Variants in DSTYK observed in about 807,000 individuals in gnomAD.
The protein encoded by DSTYK is RIP-homologous kinase.
DSTYK carries 34 observed loss-of-function variants against 98.7 expected under a neutral mutation model. The observed-to-expected ratio is 0.34, with a 90% CI of 0.26 to 0.46. The LOEUF (loss-of-function observed/expected upper bound fraction) is 0.46, where lower values mean the gene tolerates loss of function less well. Among genes scored for constraint, DSTYK ranks in the 20% least tolerant of loss-of-function variants. DSTYK has a pLI of 1.00. For synonymous variants in DSTYK, 462 were observed against 457.3 expected, an observed-to-expected ratio of 1.01 and a Z score of -0.13; for missense variants, 962 against 1,181.7, an observed-to-expected ratio of 0.81 and a Z score of 2.73.
intron 2 of DSTYK, among the ~76,000 whole-genome samples, chr1:205,182,327 T>G (rs573615534): frequency 6.6e-6 from 1 of 151,398 alleles, no homozygotes; most frequent in East Asian, 2.0e-4. Context: ...GAGCCAGAAG[T>G]TGCAGTGAGC....
chr1:205,182,094 G>A (rs1202053117), intron 2 of DSTYK, among the ~76,000 whole-genome samples: 2 of 151,824 alleles, frequency 1.3e-5, no homozygotes, highest in African/African-American at 4.8e-5. Context: ...CAAAACAGAC[G>A]AACAAACAAA....
intron 1 of DSTYK, among the ~76,000 whole-genome samples, chr1:205,197,529 T>C (rs1658902245): frequency 6.6e-6 from 1 of 151,692 alleles, no homozygotes; most frequent in Admixed American, 6.6e-5. Flanking sequence ...TCCAAATATA[T>C]ACCTAGCAAA....
chr1:205,148,378 GAGTC>G (rs1448421888), intron 11 of DSTYK, 39 bp from the exon 12 acceptor site: 1 of 1,608,158 alleles, frequency 6.2e-7, no homozygotes, highest in East Asian at 2.2e-5. Context: ...GAGCCACAGA[GAGTC>G]AGGCAGCAGC....
chr1:205,159,468 C>T, intron 9 of DSTYK, 79 bp downstream of exon 9: 1 of 1,452,364 alleles, frequency 6.9e-7, no homozygotes, highest in Non-Finnish European at 9.2e-7. Flanking sequence ...GCTAAAAGCT[C>T]TTAATAAACA....
rs1441375561 is a variant in DSTYK, at chr1:205,145,900, G to T, written c.*1658C>A. On this transcript the variant is annotated 3_prime_UTR_variant, in exon 13 of 13. Transcript: ENST00000367162. ...GCTTGAAGTCAAGTGCATCTGAGAT[G>T]CACCAATATTTAAATTGTTCCCCTT... 1 of 152,108 alleles carries T rather than the reference G, an allele frequency of 6.6e-6. No homozygotes were observed. The highest frequency in any genetic ancestry group is 1.5e-5 in the Non-Finnish European group (1 of 68,028). The allele number at this position is 152,108 out of a possible 1,614,324, so 9.4% of individuals were successfully genotyped here. A position where few individuals can be genotyped will look rare whatever the true frequency, so the allele number is the denominator to read the frequency against.
intron 1 of DSTYK, among the ~76,000 whole-genome samples, chr1:205,200,664 T>C (rs565867450): frequency 2.0e-5 from 3 of 152,350 alleles, no homozygotes; most frequent in East Asian, 3.9e-4. Context: ...CTCAGTTAGT[T>C]GGACAGAGTG....
chr1:205,145,429 C>A lies in DSTYK; in HGVS notation c.*2129G>T, dbSNP rs1347104962. On this transcript the variant is annotated 3_prime_UTR_variant, in exon 13 of 13. Coordinates refer to ENST00000367162, the MANE Select transcript of DSTYK (RefSeq NM_015375.3). ...TTATATGAAAGACCCATTATAGACT[C>A]CATTTATACTCCATTAATATTTAAA... 6.6e-6 allele frequency: 1 copy of A among 152,040 alleles called. No individual in the cohort carries two copies. The highest frequency in any genetic ancestry group is 6.6e-5 in the Admixed American group (1 of 15,254). 9.4% of individuals were successfully genotyped at this position (152,040 alleles called of 1,614,324 possible).
chr1:205,200,311 TATA>T (rs1658990661), intron 1 of DSTYK, among the ~76,000 whole-genome samples: 1 of 152,026 alleles, frequency 6.6e-6, no homozygotes, highest in Non-Finnish European at 1.5e-5. Context: ...GTGCTGGGAT[TATA>T]GGCATGAGCT....
chr1:205,201,126 A>G (rs1198901835), intron 1 of DSTYK, among the ~76,000 whole-genome samples: 1 of 152,048 alleles, frequency 6.6e-6, no homozygotes, highest in African/African-American at 2.4e-5. Flanking sequence ...GCTGCTCTCG[A>G]ACTCCTGACC....
At chr1:205,184,339 G>A (rs1188621173) in intron 2 of DSTYK, among the ~76,000 whole-genome samples, 4 of 152,012 alleles carry the variant, frequency 2.6e-5, no homozygotes, top group African/African-American at 7.3e-5. Context: ...TTGGGAGGGT[G>A]AGGGGGGCGG....
chr1:205,175,109 T>C (rs1658189988), intron 2 of DSTYK, among the ~76,000 whole-genome samples: 1 of 149,266 alleles, frequency 6.7e-6, no homozygotes, highest in South Asian at 2.1e-4. Context: ...GCCCTTTTTT[T>C]TTTTTTTTCT....
Position 205,163,219 on chromosome 1 carries a change from A to AT in DSTYK, c.1558-214dup, listed in dbSNP as rs373494891. 0.33 allele frequency among the ~76,000 whole-genome samples: 46,067 copies of AT among 140,564 alleles called. 8,503 individuals carry two copies. The highest frequency in any genetic ancestry group is 0.45 in the Non-Finnish European group (28,910 of 64,218). 92.2% of individuals were successfully genotyped at this position (140,564 alleles called of 152,430 possible). A position where few individuals can be genotyped will look rare whatever the true frequency, so the allele number is the denominator to read the frequency against. ...TTTATATTCATCAACTTATTTTTTT[A>AT]TTTTTTTTTTTATTTTTTAGACAGA... On this transcript the variant is annotated intron_variant, in intron 4 of 12. Coordinates refer to ENST00000367162, the MANE Select transcript of DSTYK (RefSeq NM_015375.3).
In DSTYK at chr1:205,163,918, G is replaced by T. The variant is rs1454675273; in HGVS notation, c.1362C>A (p.Thr454=). The change falls in exon 4 of 13, where the codon ACC becomes ACA. Residue 454 remains threonine (T), a synonymous_variant. Transcript: ENST00000367162. ...GTCGGATGCAGCATTTGATCTCTCT[G>T]GTGCCTACTGGTTCTCCATTCTCAG... ...IVPENGEPVG[T]REIKCCIRQI... The T allele has an allele frequency of 6.2e-7, 1 of 1,614,096 alleles. No individual in the cohort carries two copies. Among genetic ancestry groups the T allele is most frequent in the Non-Finnish European group, 8.5e-7 (1 of 1,180,026 alleles).
Position 205,148,206 on chromosome 1 carries a change from C to G in DSTYK, c.2601G>C (p.Arg867Ser). 2 of 1,614,062 alleles carry G rather than the reference C, an allele frequency of 1.2e-6. No homozygotes were observed. The highest frequency in any genetic ancestry group is 1.7e-6 in the Non-Finnish European group (2 of 1,179,984). ...SKDHLWNNVR[R>S]GARPERLPVF... is the part of the protein sequence containing the mutation. ...CAAGGTAGTACTTGTGGCTCTTACC[C>G]CTCCGCACATTGTTCCAGAGATGGT... is the stretch of plus-strand genomic sequence containing the variant. Residue 867 changes from arginine (R) to serine (S), a missense_variant and splice_region_variant, in exon 12 of 13, where the codon AGG becomes AGC. Arg to Ser is a moderately radical substitution (Grantham distance 110). Transcript: ENST00000367162.
At chr1:205,171,530 C>G (rs1658064977) in intron 2 of DSTYK, among the ~76,000 whole-genome samples, 1 of 150,800 alleles carries the variant, frequency 6.6e-6, no homozygotes, top group Admixed American at 6.6e-5. Flanking sequence ...TTTGCCTCGT[C>G]TGCACTTTCC....
chr1:205,186,914 G>T (rs1458503312), intron 2 of DSTYK, among the ~76,000 whole-genome samples: 2 of 152,162 alleles, frequency 1.3e-5, no homozygotes, highest in East Asian at 3.9e-4. Flanking sequence ...TAGGAGAAAT[G>T]ATCTATCCTC....
chr1:205,175,103 T>C lies in DSTYK; in HGVS notation c.655-5271A>G, dbSNP rs1009928048. 5.7e-4 allele frequency among the ~76,000 whole-genome samples: 76 copies of C among 134,020 alleles called. 1 individual carries two copies. The East Asian group carries it at 0.012, about 21-fold the overall frequency. 87.9% of individuals were successfully genotyped at this position (134,020 alleles called of 152,430 possible). On this transcript the variant is annotated intron_variant, in intron 2 of 12. Coordinates refer to ENST00000367162, the MANE Select transcript of DSTYK (RefSeq NM_015375.3). ...ATTGGCACCCACAAAGAAGCTGCCC[T>C]TTTTTTTTTTTTTTCTGAGACAGAG...
chr1:205,152,937 A>G (rs1657446975), intron 10 of DSTYK, among the ~76,000 whole-genome samples: 1 of 152,130 alleles, frequency 6.6e-6, no homozygotes, highest in South Asian at 2.1e-4. Context: ...CCTGGTACAT[A>G]TGAAGATCCT....
In DSTYK at chr1:205,147,675, G is replaced by A. The variant is rs761744798; in HGVS notation, c.2673C>T (p.Gly891=). 29 of 1,614,026 alleles carry A rather than the reference G, an allele frequency of 1.8e-5. No individual in the cohort carries two copies. The highest frequency in any genetic ancestry group is 1.4e-4 in the South Asian group (13 of 91,066). Reference sequence around the variant, plus strand: ...CCAAGAGAGGCCTCTTCAAGGGGTCGCCATCCCAACAGGCTTCCATCAACT... The same window carrying A: ...CCAAGAGAGGCCTCTTCAAGGGGTCACCATCCCAACAGGCTTCCATCAACT... ...CWQLMEACWD[G]DPLKRPLLGI... Residue 891 remains glycine, a synonymous_variant, in exon 13 of 13, where the codon GGC becomes GGT. Coordinates refer to ENST00000367162, the MANE Select transcript of DSTYK (RefSeq NM_015375.3).
Sources: gnomAD v4.1 joint callset for allele counts (sites outside exome capture counted in the v4.1 genomes callset) on GRCh38, gnomAD v4.1.1 for gene constraint, MANE v1.5 for transcripts, NCBI Gene and HGNC (gene_info 2026-07-23, HGNC 2026-07-21) for gene names.